The following NRG2 variants were observed in gnomAD, a reference collection of about 807,000 sequenced individuals.
NRG2 encodes the protein neuregulin 2.
A neutral mutation model predicts 73.9 loss-of-function variants in NRG2; 27 were observed. The observed-to-expected ratio is 0.37, with a 90% CI of 0.27 to 0.50. NRG2 has a LOEUF of 0.50. Ranked by LOEUF, NRG2 falls within the 20% of genes least tolerant of loss-of-function variation. The pLI, the probability that NRG2 is intolerant of heterozygous loss-of-function variation, is 0.96. For missense variants in NRG2, 1,126 were observed against 1,210.1 expected, an observed-to-expected ratio of 0.93 and a Z score of 1.03; for synonymous variants, 532 against 541.0, an observed-to-expected ratio of 0.98 and a Z score of 0.23.
Position 139,852,235 on chromosome 5 carries a change from A to G in NRG2, c.1544+197T>C, listed in dbSNP as rs1761485464. On this transcript the variant is annotated intron_variant, in intron 8 of 9. Transcript: ENST00000361474. The surrounding 1 kb of genome is among the most constrained non-coding windows in gnomAD (Gnocchi z 4.4). ...AGGGAAGAAGGGAGCCAGCCATGTTATTTTTGAGTTGTCTGAGCCTTTGTG... is the reference window on the plus strand; with the variant it reads ...AGGGAAGAAGGGAGCCAGCCATGTTGTTTTTGAGTTGTCTGAGCCTTTGTG... Among the ~76,000 whole-genome samples, 1 of 152,210 alleles carries G rather than the reference A, an allele frequency of 6.6e-6. No individual in the cohort carries two copies. Among genetic ancestry groups the G allele is most frequent in the African/African-American group, 2.4e-5 (1 of 41,518 alleles).
Position 140,042,625 on chromosome 5 carries a change from T to A in NRG2, c.445A>T (p.Thr149Ser), listed in dbSNP as rs757626151. 1 of 1,605,690 alleles carries A rather than the reference T, an allele frequency of 6.2e-7. No individual in the cohort carries two copies. The highest frequency in any genetic ancestry group is 8.5e-7 in the Non-Finnish European group (1 of 1,177,422). ...CGACCCGAGGCGGGCGGCTCTCGGG[T>A]GCTGTTGGAGCTGGAGCCGCCGGCT... ...VPAGGSSSNS[T>S]REPPASGRVA... The change falls in exon 1 of 10, where the codon ACC becomes TCC. Residue 149 changes from threonine to serine, a missense_variant. Around this residue, in one of 3 missense-constraint regions of NRG2, gnomAD observed 539 missense variants for 703.2 expected, o/e 0.77. Coordinates refer to ENST00000361474, the MANE Select transcript of NRG2 (RefSeq NM_004883.3).
intron 1 of NRG2, among the ~76,000 whole-genome samples, chr5:139,918,518 G>A (rs758556478): frequency 3.3e-5 from 5 of 152,086 alleles, no homozygotes; most frequent in African/African-American, 9.7e-5. Flanking sequence ...GATAGGGAGC[G>A]CATTACCATC....
chr5:139,897,686 T>C (rs752616423), intron 1 of NRG2, among the ~76,000 whole-genome samples: 3 of 152,138 alleles, frequency 2.0e-5, no homozygotes, highest in African/African-American at 4.8e-5. Flanking sequence ...GCAGCCCAGA[T>C]CAAGACTGCT....
intron 1 of NRG2, among the ~76,000 whole-genome samples, chr5:139,935,273 A>G (rs1045918912): frequency 6.6e-6 from 1 of 152,234 alleles, no homozygotes; most frequent in Non-Finnish European, 1.5e-5. Flanking sequence ...ACTCACTACT[A>G]TAACGAGATT....
chr5:139,854,357 C>G (rs1179719916), intron 6 of NRG2, among the ~76,000 whole-genome samples: 3 of 152,288 alleles, frequency 2.0e-5, no homozygotes, highest in Non-Finnish European at 4.4e-5. Context: ...CTTCCTGCTC[C>G]TCAGCCAAGG....
At chr5:139,883,236 CT>C (rs1561652703) in intron 2 of NRG2, among the ~76,000 whole-genome samples, 7 of 137,976 alleles carry the variant, frequency 5.1e-5, no homozygotes, top group African/African-American at 1.8e-4. Context: ...GCCCTCCCCC[CT>C]CCCCCCTACC....
At chr5:140,016,594 T>C (rs1035664774) in intron 1 of NRG2, among the ~76,000 whole-genome samples, 1 of 152,154 alleles carries the variant, frequency 6.6e-6, no homozygotes, top group Non-Finnish European at 1.5e-5. Context: ...TAGGGAGACA[T>C]CAAACGATTT....
intron 1 of NRG2, among the ~76,000 whole-genome samples, chr5:140,030,068 A>T (rs757445200): frequency 8.5e-5 from 13 of 152,296 alleles, no homozygotes; most frequent in Non-Finnish European, 1.6e-4. Flanking sequence ...ATGGAGAGTT[A>T]TGTCATTGGA....
chr5:139,876,530 G>A (rs80049836), intron 3 of NRG2, among the ~76,000 whole-genome samples: 2,500 of 152,210 alleles, frequency 0.016, 66 homozygotes, highest in African/African-American at 0.057. Flanking sequence ...GGAGGAGTAA[G>A]CCCAGGAAGT....
At chr5:139,996,706 CA>C (rs549309763) in intron 1 of NRG2, among the ~76,000 whole-genome samples, 1 of 152,254 alleles carries the variant, frequency 6.6e-6, no homozygotes, top group Non-Finnish European at 1.5e-5. Context: ...GTCTTTGCCA[CA>C]TATGCCGCTT....
At position 140,042,550 on chromosome 5, in the gene NRG2, G is replaced by GC. The variant is rs765864415; in HGVS notation, c.519dup (p.Leu174AlafsTer35). 2 of 1,611,976 alleles carry GC rather than the reference G, an allele frequency of 1.2e-6. No individual in the cohort carries two copies. On this transcript the variant is annotated frameshift_variant, in exon 1 of 10. Coordinates refer to ENST00000361474, the MANE Select transcript of NRG2 (RefSeq NM_004883.3). LOFTEE classifies it high-confidence loss of function. Reference sequence around the variant, plus strand: ...ACGCTGATCACCTGCTCGCGCTGCAGCCCCCCGCTCCGGAGCGGCCACTTG... The same window carrying GC: ...ACGCTGATCACCTGCTCGCGCTGCAGCCCCCCCGCTCCGGAGCGGCCACTTG...
rs1419799429 is a variant in NRG2 at position 139,871,777 on chromosome 5, A to G, written c.1056T>C (p.Tyr352=). The change falls in exon 4 of 10, where the codon TAT becomes TAC. Residue 352 remains tyrosine (Y), a synonymous_variant. Transcript: ENST00000361474. Reference sequence around the variant, plus strand: ...AGTAGCAGACGCCTCCATTGACGCAATAGGACTTGGCTGTCTCGTTGCACT... The same window carrying G: ...AGTAGCAGACGCCTCCATTGACGCAGTAGGACTTGGCTGTCTCGTTGCACT... The part of the protein sequence containing the change: ...ARKCNETAKS[Y]CVNGGVCYYI... 4 of 1,614,124 alleles carry G rather than the reference A, an allele frequency of 2.5e-6. No individual in the cohort carries two copies. The highest frequency in any genetic ancestry group is 3.4e-6 in the Non-Finnish European group (4 of 1,180,006).
At chr5:139,996,318 C>T (rs891881531) in intron 1 of NRG2, among the ~76,000 whole-genome samples, 5 of 152,090 alleles carry the variant, frequency 3.3e-5, no homozygotes, top group African/African-American at 1.2e-4. Flanking sequence ...TGTATGATGG[C>T]TACAAAATAT....
intron 1 of NRG2, among the ~76,000 whole-genome samples, chr5:139,961,775 T>A (rs1187954790): frequency 3.3e-5 from 5 of 152,188 alleles, no homozygotes. Context: ...GCAGCTGCTA[T>A]CAGGCCATCC....
intron 1 of NRG2, among the ~76,000 whole-genome samples, chr5:139,942,200 A>G (rs1260628359): frequency 6.6e-6 from 1 of 152,214 alleles, no homozygotes; most frequent in Non-Finnish European, 1.5e-5. Context: ...CAGTCAAAAA[A>G]TGCACAGAAC....
At chr5:139,891,407 T>A (rs953922834) in intron 1 of NRG2, among the ~76,000 whole-genome samples, 1 of 152,198 alleles carries the variant, frequency 6.6e-6, no homozygotes, top group African/African-American at 2.4e-5. Context: ...CCACTCCATC[T>A]AGTGAGAACC....
intron 5 of NRG2, among the ~76,000 whole-genome samples, chr5:139,859,547 C>G (rs936322158): frequency 4.6e-5 from 7 of 152,164 alleles, no homozygotes; most frequent in African/African-American, 1.7e-4. Flanking sequence ...CACATGGGGC[C>G]TATCTCTTGT....
intron 1 of NRG2, among the ~76,000 whole-genome samples, chr5:139,979,406 A>C (rs1001473703): frequency 3.3e-5 from 5 of 152,130 alleles, no homozygotes; most frequent in Admixed American, 2.0e-4. Flanking sequence ...TAGAGCACAG[A>C]GTTGCTATGA....
chr5:139,936,154 A>G (rs1752841502), intron 1 of NRG2, among the ~76,000 whole-genome samples: 2 of 152,040 alleles, frequency 1.3e-5, no homozygotes, highest in African/African-American at 4.8e-5. Flanking sequence ...AACCCAAAGT[A>G]AATAGAAAAA....
Sources: allele counts gnomAD v4.1 joint callset (sites outside exome capture counted in the v4.1 genomes callset), GRCh38; gene constraint gnomAD v4.1.1; regional missense constraint gnomAD v4.1.1; non-coding constraint Gnocchi (gnomAD v3.1); transcripts MANE v1.5; gene names NCBI Gene and HGNC (gene_info 2026-07-23, HGNC 2026-07-21).